Variants in CSMD1 observed in about 807,000 individuals in gnomAD.
CSMD1 encodes the protein CUB and sushi domain-containing protein 1.
CSMD1 carries 213 observed loss-of-function variants against 417.5 expected under a neutral mutation model. The ratio of observed to expected loss-of-function variants is 0.51; its 90% CI spans 0.46 to 0.57. The LOEUF (loss-of-function observed/expected upper bound fraction) is 0.57. Among genes scored for constraint, CSMD1 ranks in the 20% least tolerant of loss-of-function variants. CSMD1 has a pLI of 0.00. For missense variants in CSMD1, 6,923 were observed against 4,529.7 expected (o/e 1.53, Z -15.17); for synonymous variants, 2,862 against 1,736.8 (o/e 1.65, Z -16.11).
At chr8:3,576,453 C>A (rs200194809) in intron 9 of CSMD1, among the ~76,000 whole-genome samples, 2 of 152,082 alleles carry the variant, frequency 1.3e-5, no homozygotes, top group African/African-American at 2.4e-5. Context: ...CTGTGTACCA[C>A]GCTGCAGTCC....
chr8:4,147,927 A>C (rs929930979), intron 3 of CSMD1, among the ~76,000 whole-genome samples: 1 of 152,048 alleles, frequency 6.6e-6, no homozygotes, highest in Admixed American at 6.6e-5. Flanking sequence ...CTGCAGCACA[A>C]ACTCTGGGGT....
At chr8:3,248,111 T>C (rs532707070) in intron 26 of CSMD1, among the ~76,000 whole-genome samples, 1 of 152,272 alleles carries the variant, frequency 6.6e-6, no homozygotes, top group East Asian at 1.9e-4. Context: ...GAGGATGACT[T>C]GAGGCCAGGA....
In CSMD1 at chr8:3,316,331, T is replaced by A. The variant is rs544497229; in HGVS notation, c.3632-7828A>T. On this transcript the variant is annotated intron_variant, in intron 23 of 69. Coordinates refer to ENST00000635120, the MANE Select transcript of CSMD1 (RefSeq NM_033225.6). ...GGAAAATAATGAGCTGTAAAAAAAA[T>A]GTTTTCAAATCTATCAGGAACTTTT... Among the ~76,000 whole-genome samples the A allele has an allele frequency of 4.6e-5, 7 of 152,222 alleles. 1 individual carries two copies. The highest frequency in any genetic ancestry group is 1.7e-4 in the African/African-American group (7 of 41,530).
chr8:3,606,569 G>A (rs1801625110), intron 8 of CSMD1, among the ~76,000 whole-genome samples: 1 of 152,104 alleles, frequency 6.6e-6, no homozygotes, highest in South Asian at 2.1e-4. Flanking sequence ...AGTGGTGAGT[G>A]AATGTGAGGG....
intron 30 of CSMD1, among the ~76,000 whole-genome samples, chr8:3,212,305 A>G (rs781652581): frequency 6.6e-6 from 1 of 152,312 alleles, no homozygotes; most frequent in Non-Finnish European, 1.5e-5. Flanking sequence ...ATTAAACATG[A>G]CTAGAAAGGA....
intron 3 of CSMD1, among the ~76,000 whole-genome samples, chr8:4,379,530 A>G (rs1210386627): frequency 6.6e-6 from 1 of 152,226 alleles, no homozygotes; most frequent in Non-Finnish European, 1.5e-5. Context: ...GGTGAAGTAT[A>G]TATAGGATGT....
intron 40 of CSMD1, among the ~76,000 whole-genome samples, chr8:3,149,858 G>A (rs1320091028): frequency 6.6e-6 from 1 of 152,140 alleles, no homozygotes; most frequent in Admixed American, 6.5e-5. Context: ...CTCCTTCAGG[G>A]ATAGCTGCAG....
At chr8:3,910,198 G>C (rs1177887230) in intron 5 of CSMD1, among the ~76,000 whole-genome samples, 1 of 152,066 alleles carries the variant, frequency 6.6e-6, no homozygotes, top group Non-Finnish European at 1.5e-5. Context: ...TATAATGCAC[G>C]GAAAACAATG....
chr8:3,139,221 C>T (rs781569179), intron 41 of CSMD1, among the ~76,000 whole-genome samples: 31 of 152,166 alleles, frequency 2.0e-4, no homozygotes, highest in Non-Finnish European at 3.4e-4. Context: ...CAAGAGTTAT[C>T]AGCTGTGAAT....
intron 1 of CSMD1, among the ~76,000 whole-genome samples, chr8:4,797,197 C>T (rs1420669297): frequency 6.6e-6 from 1 of 152,162 alleles, no homozygotes; most frequent in East Asian, 1.9e-4. Context: ...GACTGAAGCC[C>T]ACACAGTAAG....
chr8:4,721,318 G>A (rs1809038502), intron 1 of CSMD1, among the ~76,000 whole-genome samples: 1 of 152,070 alleles, frequency 6.6e-6, no homozygotes, highest in Non-Finnish European at 1.5e-5. Flanking sequence ...GTAGTTGGTG[G>A]GTTTGATGAG....
rs146199401 is a variant in CSMD1 at position 3,334,259 on chromosome 8, A to G, written c.3631+9035T>C. Among the ~76,000 whole-genome samples, 812 of 152,308 alleles carry G rather than the reference A, an allele frequency of 5.3e-3. 2 individuals are homozygous for G. Among genetic ancestry groups the G allele is most frequent in the African/African-American group, 0.018 (751 of 41,570 alleles). ...GACTCCAAATGATGGATTCTGACAT[A>G]CCCTGCTCTTCACCTTCAGGTTTGT... On this transcript the variant is annotated intron_variant, in intron 23 of 69. Transcript: ENST00000635120.
At chr8:2,942,422 C>G (rs374886190) in intron 69 of CSMD1, 50 bp downstream of exon 69, 2 of 1,538,216 alleles carry the variant, frequency 1.3e-6, no homozygotes, top group East Asian at 4.5e-5. Flanking sequence ...TACTTTAAAC[C>G]CATAGTTTAC....
At chr8:3,223,625 T>C in intron 28 of CSMD1, 104 bp downstream of exon 28, 2 of 1,170,442 alleles carry the variant, frequency 1.7e-6, no homozygotes, top group Non-Finnish European at 2.5e-6. Context: ...AATCTAGCAC[T>C]TACCTAGATA....
intron 4 of CSMD1, among the ~76,000 whole-genome samples, chr8:4,029,360 C>T (rs989205795): frequency 1.3e-5 from 2 of 152,168 alleles, no homozygotes; most frequent in Non-Finnish European, 2.9e-5. Flanking sequence ...GTTTGATGGA[C>T]ATACAGTTCT....
At chr8:3,172,948 G>A (rs534916621) in intron 37 of CSMD1, among the ~76,000 whole-genome samples, 1 of 152,280 alleles carries the variant, frequency 6.6e-6, no homozygotes, top group African/African-American at 2.4e-5. Flanking sequence ...TTACTGATAG[G>A]ACCTACCACT....
Position 4,876,700 on chromosome 8 carries a change from C to T in CSMD1, c.85+117632G>A, listed in dbSNP as rs76157813. Among the ~76,000 whole-genome samples, 243 of 152,114 alleles carry T rather than the reference C, an allele frequency of 1.6e-3. 1 individual carries two copies. The highest frequency in any genetic ancestry group is 0.015 in the East Asian group (79 of 5,154). ...TAGGTGCATATAGTCTCCTTCTGTG[C>T]TAATTTCTAAGACAATATCATGACC... On this transcript the variant is annotated intron_variant, in intron 1 of 69. Transcript: ENST00000635120.
chr8:4,924,709 T>C (rs1408639419), intron 1 of CSMD1, among the ~76,000 whole-genome samples: 2 of 48,152 alleles, frequency 4.2e-5, no homozygotes, highest in Non-Finnish European at 7.6e-5. Flanking sequence ...GAGACAAGAA[T>C]GAAACTCCAT....
rs142359150 is a variant in CSMD1 at position 3,709,250 on chromosome 8, G to C, written c.932-759C>G. ...TGATCTTCTAAGCTATCCCACACTT[G>C]GCTTTACTAAGTGCCCAGTGGAAAC... is the stretch of plus-strand genomic sequence containing the variant. On this transcript the variant is annotated intron_variant, in intron 6 of 69. Coordinates refer to ENST00000635120, the MANE Select transcript of CSMD1 (RefSeq NM_033225.6). Among the ~76,000 whole-genome samples the C allele has an allele frequency of 9.3e-4, 140 of 150,560 alleles. 2 individuals are homozygous for C. The East Asian group carries it at 0.012, about 13-fold the overall frequency.
Sources: allele counts gnomAD v4.1 joint callset (sites outside exome capture counted in the v4.1 genomes callset), GRCh38; gene constraint gnomAD v4.1.1; transcripts MANE v1.5; gene names NCBI Gene and HGNC (gene_info 2026-07-23, HGNC 2026-07-21).